CLTCL1: variants seen among roughly 807,000 people sequenced by gnomAD.
CLTCL1 encodes the protein clathrin heavy chain 2.
Under a neutral mutation model 190.0 loss-of-function variants are expected in CLTCL1, and 159 were observed. The observed-to-expected ratio is 0.84, with a 90% CI of 0.74 to 0.95. CLTCL1 has a LOEUF of 0.95. Among genes scored for constraint, CLTCL1 ranks in the 40% least tolerant of loss-of-function variants. The pLI is 0.00. For synonymous variants in CLTCL1, 752 were observed against 769.6 expected (o/e 0.98, Z 0.38); for missense variants, 1,878 against 2,033.4 (o/e 0.92, Z 1.47).
At chr22:19,243,368 C>T (rs932617137) in intron 3 of CLTCL1, among the ~76,000 whole-genome samples, 1 of 152,178 alleles carries the variant, frequency 6.6e-6, no homozygotes, top group Non-Finnish European at 1.5e-5. Context: ...CAGTGGCTCA[C>T]ACCTGCAATC....
At chr22:19,232,435 TA>T (rs1555959482) in intron 10 of CLTCL1, 40 bp downstream of exon 10, 1 of 1,612,874 alleles carries the variant, frequency 6.2e-7, no homozygotes, top group African/African-American at 1.3e-5. Flanking sequence ...TAGATGGCTC[TA>T]AAAAGCCACA....
At position 19,281,287 on chromosome 22, in the gene CLTCL1, CCT is replaced by C. The variant is rs528623245; in HGVS notation, c.43-5459_43-5458del. On this transcript the variant is annotated intron_variant, in intron 1 of 32. Coordinates refer to ENST00000427926, the MANE Select transcript of CLTCL1 (RefSeq NM_007098.4). ...TCTAGCCTGGGCGACAGAGCGAGAC[CCT>C]GTCTCAAAAAAAAAAAAAAAAAGAA... Among the ~76,000 whole-genome samples the C allele has an allele frequency of 1.5e-3, 169 of 113,274 alleles. 1 individual carries two copies. Among genetic ancestry groups the C allele is most frequent in the African/African-American group, 5.7e-3 (156 of 27,158 alleles). 74.3% of individuals were successfully genotyped at this position (113,274 alleles called of 152,430 possible).
chr22:19,247,576 T>C (rs1444744336), intron 3 of CLTCL1, among the ~76,000 whole-genome samples: 2 of 152,170 alleles, frequency 1.3e-5, no homozygotes, highest in African/African-American at 4.8e-5. Flanking sequence ...TGTTTTGTTT[T>C]TGAGGCAGAG....
intron 10 of CLTCL1, among the ~76,000 whole-genome samples, chr22:19,231,038 C>A (rs1370549422): frequency 6.6e-6 from 1 of 152,158 alleles, no homozygotes; most frequent in Non-Finnish European, 1.5e-5. Context: ...AGGACTTACA[C>A]CAAAGGCCCC....
chr22:19,210,275 A>G (rs1464319623), intron 20 of CLTCL1, 51 bp downstream of exon 20: 7 of 1,575,730 alleles, frequency 4.4e-6, no homozygotes, highest in Non-Finnish European at 6.1e-6. Flanking sequence ...GGGCGCACTC[A>G]TGATGTGGCA....
At chr22:19,201,012 C>T (rs2084864328) in intron 23 of CLTCL1, among the ~76,000 whole-genome samples, 1 of 152,144 alleles carries the variant, frequency 6.6e-6, no homozygotes, top group Admixed American at 6.5e-5. Flanking sequence ...CAATTTGCCA[C>T]AAAGGACCAA....
At chr22:19,207,091 A>G (rs2146365773) in intron 22 of CLTCL1, among the ~76,000 whole-genome samples, 1 of 132,176 alleles carries the variant, frequency 7.6e-6, no homozygotes, top group East Asian at 2.2e-4. Flanking sequence ...ATCTCGGCTC[A>G]CTGCAACCTC....
At chr22:19,271,461 GT>G (rs2087316321) in intron 2 of CLTCL1, among the ~76,000 whole-genome samples, 1 of 152,096 alleles carries the variant, frequency 6.6e-6, no homozygotes, top group South Asian at 2.1e-4. Context: ...AAAAAAGTGT[GT>G]GTGTATGGCA....
chr22:19,188,288 T>G (rs537082514), intron 27 of CLTCL1, among the ~76,000 whole-genome samples, 197 bp from the exon 28 acceptor site: 6 of 152,342 alleles, frequency 3.9e-5, no homozygotes, highest in African/African-American at 1.4e-4. Context: ...TGGATGCCAA[T>G]GTCACCACAG....
Position 19,208,402 on chromosome 22 carries a change from T to C in CLTCL1, c.3443-91A>G. ...CCCATTCTGTTCTCAGCCAGACACATTTACCCTCCAGTTATGTCTCACTGG... is the reference window on the plus strand; with the variant it reads ...CCCATTCTGTTCTCAGCCAGACACACTTACCCTCCAGTTATGTCTCACTGG... On this transcript the variant is annotated intron_variant, in intron 21 of 32. Coordinates refer to ENST00000427926, the MANE Select transcript of CLTCL1 (RefSeq NM_007098.4). 3 of 1,450,422 alleles carry C rather than the reference T, an allele frequency of 2.1e-6. No homozygotes were observed. The Admixed American group carries it at 5.6e-5, about 27-fold the overall frequency. The allele number at this position is 1,450,422 out of a possible 1,614,324, so 89.8% of individuals were successfully genotyped here.
chr22:19,211,170 C>G lies in CLTCL1; in HGVS notation c.3066-661G>C, dbSNP rs189337220. Among the ~76,000 whole-genome samples the G allele has an allele frequency of 4.2e-3, 636 of 152,300 alleles. 4 individuals are homozygous for G. Among genetic ancestry groups the G allele is most frequent in the Middle Eastern group, 0.01 (3 of 294 alleles). ...ATAATCTAAAAAAGAAATACTACAT[C>G]TTTATCAAATGATCAGAAAAAGCAT... On this transcript the variant is annotated intron_variant, in intron 19 of 32. Coordinates refer to ENST00000427926, the MANE Select transcript of CLTCL1 (RefSeq NM_007098.4).
In CLTCL1 at chr22:19,196,253, T is replaced by C. The variant is rs782512890; in HGVS notation, c.4191+13A>G. ...GAGGCTGGCAGGAGCCAGCGCTCTG[T>C]ATCCCCTCTTACCTTGGTAATGATG... On this transcript the variant is annotated intron_variant, in intron 26 of 32. Transcript: ENST00000427926. 1 of 1,610,972 alleles carries C rather than the reference T, an allele frequency of 6.2e-7. No individual in the cohort carries two copies. The highest frequency in any genetic ancestry group is 8.5e-7 in the Non-Finnish European group (1 of 1,179,576).
Position 19,210,312 on chromosome 22 carries a change from A to G in CLTCL1, c.3249+14T>C, listed in dbSNP as rs373582037. ...AAGGTGCTAGGTCCGACATGCTTAC[A>G]CTCAGCAGCCCACCTGGATTGCTGA... is the stretch of plus-strand genomic sequence containing the variant. On this transcript the variant is annotated intron_variant, in intron 20 of 32. Transcript: ENST00000427926. The G allele has an allele frequency of 7.1e-5, 114 of 1,612,138 alleles. No individual in the cohort carries two copies. Among genetic ancestry groups the G allele is most frequent in the East Asian group, 3.1e-4 (14 of 44,844 alleles).
rs2085969570 is a variant in CLTCL1, at chr22:19,233,212, A to G, written c.1475T>C (p.Phe492Ser). Residue 492 changes from phenylalanine to serine, a missense_variant, in exon 9 of 33, where the codon TTT (phenylalanine) becomes TCT (serine). Transcript: ENST00000427926. Reference protein sequence around the residue: ...ANVPSKVIQCFAETGQFQKIV... With the variant: ...ANVPSKVIQCSAETGQFQKIV... ...TTTCTGGAATTGGCCTGTTTCTGCAAAACACTGGATCACTTTGCTTGGCAC... is the reference window on the plus strand; with the variant it reads ...TTTCTGGAATTGGCCTGTTTCTGCAGAACACTGGATCACTTTGCTTGGCAC... The G allele has an allele frequency of 6.2e-7, 1 of 1,613,968 alleles. No individual in the cohort carries two copies. Among genetic ancestry groups the G allele is most frequent in the East Asian group, 2.2e-5 (1 of 44,878 alleles).
chr22:19,263,801 T>C (rs1327299430), intron 2 of CLTCL1, among the ~76,000 whole-genome samples: 2 of 152,232 alleles, frequency 1.3e-5, no homozygotes, highest in Non-Finnish European at 2.9e-5. Context: ...AGTATAAACA[T>C]AACTTTTATA....
At chr22:19,217,772 TG>T (rs1168857253) in intron 18 of CLTCL1, among the ~76,000 whole-genome samples, 1 of 146,736 alleles carries the variant, frequency 6.8e-6, no homozygotes, top group East Asian at 2.0e-4. Flanking sequence ...CACTTGAACC[TG>T]GGAAGTGGAG....
chr22:19,212,334 A>G (rs2085250814), intron 19 of CLTCL1, among the ~76,000 whole-genome samples: 2 of 148,330 alleles, frequency 1.3e-5, no homozygotes, highest in South Asian at 4.6e-4. Context: ...CCAAGGTGGG[A>G]GGAGTGCTTG....
intron 19 of CLTCL1, among the ~76,000 whole-genome samples, chr22:19,215,673 C>T (rs1192170438): frequency 6.6e-6 from 1 of 152,234 alleles, no homozygotes; most frequent in South Asian, 2.1e-4. Context: ...ACAGCTCCTG[C>T]TCATCTGGCT....
At chr22:19,287,574 T>A (rs1030452331) in intron 1 of CLTCL1, among the ~76,000 whole-genome samples, 1 of 152,172 alleles carries the variant, frequency 6.6e-6, no homozygotes, top group Non-Finnish European at 1.5e-5. Flanking sequence ...TTGGAGATCA[T>A]GTTGCCTGTG....
Sources: allele counts gnomAD v4.1 joint callset (sites outside exome capture counted in the v4.1 genomes callset), GRCh38; gene constraint gnomAD v4.1.1; transcripts MANE v1.5; gene names NCBI Gene and HGNC (gene_info 2026-07-23, HGNC 2026-07-21).